The following CHD7 variants were observed in gnomAD, a reference collection of about 807,000 sequenced individuals.
CHD7 encodes the protein ATP-dependent chromatin remodeler CHD7.
In CHD7, 24 loss-of-function variants were observed where a neutral mutation model predicts 307.3. The observed-to-expected ratio is 0.08, with a 90% CI of 0.06 to 0.11. The LOEUF is 0.11. Among genes scored for constraint, CHD7 ranks in the 10% least tolerant of loss-of-function variants. The probability of loss-of-function intolerance (pLI) is 1.00; values close to 1 mark genes in which losing one functional copy is unlikely to be tolerated. For missense variants in CHD7, 3,106 were observed against 3,727.1 expected (o/e 0.83, Z 4.34); for synonymous variants, 1,363 against 1,349.9 (o/e 1.01, Z -0.21).
In CHD7 at chr8:60,866,119, G is replaced by A. The variant is rs1260408644; in HGVS notation, c.*186G>A. On this transcript the variant is annotated 3_prime_UTR_variant, in exon 38 of 38. Transcript: ENST00000423902. ...TATCTTGGTCATTAAGTATTGTGCA[G>A]TGCATTATTTATTATCCCTAGGAGA... 7.1e-6 allele frequency: 4 copies of A among 565,528 alleles called. No homozygotes were observed. The highest frequency in any genetic ancestry group is 1.2e-5 in the Non-Finnish European group (4 of 320,118). The allele number at this position is 565,528 out of a possible 1,614,324, so 35.0% of individuals were successfully genotyped here.
chr8:60,851,670 C>A (rs994915330), intron 28 of CHD7, among the ~76,000 whole-genome samples: 1 of 152,066 alleles, frequency 6.6e-6, no homozygotes, highest in African/African-American at 2.4e-5. Flanking sequence ...GACCTTTTAC[C>A]GAATATAAAA....
chr8:60,768,448 A>G (rs893691462), intron 2 of CHD7, among the ~76,000 whole-genome samples: 1 of 152,218 alleles, frequency 6.6e-6, no homozygotes, highest in African/African-American at 2.4e-5. Flanking sequence ...ACTCACAGGC[A>G]GTGACTGGTG....
intron 37 of CHD7, chr8:60,863,738 C>CTTTTTTTTTTT (rs757577486): frequency 4.0e-5 from 5 of 126,308 alleles, no homozygotes; most frequent in Admixed American, 8.0e-5. Flanking sequence ...CTTTTTTTTT[C>CTTTTTTTTTTT]TTTTTTTTTT....
At chr8:60,715,326 CT>C (rs11376102) in intron 1 of CHD7, among the ~76,000 whole-genome samples, 4,366 of 125,842 alleles carry the variant, frequency 0.035, 66 homozygotes, top group Non-Finnish European at 0.051. Flanking sequence ...AGGGCTCTGC[CT>C]TTTTTTTTTT....
intron 1 of CHD7, among the ~76,000 whole-genome samples, chr8:60,693,320 C>G (rs1806294362): frequency 6.6e-6 from 1 of 152,248 alleles, no homozygotes; most frequent in Admixed American, 6.5e-5. Flanking sequence ...TCCTGCTCCC[C>G]TGTGGAACAA....
At chr8:60,748,326 A>G (rs1451310359) in intron 2 of CHD7, among the ~76,000 whole-genome samples, 2 of 152,194 alleles carry the variant, frequency 1.3e-5, no homozygotes, top group Non-Finnish European at 2.9e-5. Flanking sequence ...CAATGAGTGC[A>G]AAGATCAGAA....
intron 2 of CHD7, among the ~76,000 whole-genome samples, chr8:60,780,731 G>C (rs927524501): frequency 6.6e-6 from 1 of 152,290 alleles, no homozygotes; most frequent in East Asian, 1.9e-4. Context: ...AGTGTCTTCA[G>C]TTGAGTGAGT....
chr8:60,780,353 C>G (rs111548228), intron 2 of CHD7, among the ~76,000 whole-genome samples: 15 of 152,252 alleles, frequency 9.9e-5, no homozygotes, highest in Middle Eastern at 3.4e-3. Context: ...AAATATAAAG[C>G]CTTAAAGAGG....
rs72650449 is a variant in CHD7 at position 60,690,856 on chromosome 8, G to A, written c.-175+11774G>A. Among the ~76,000 whole-genome samples the A allele has an allele frequency of 5.9e-3, 904 of 152,294 alleles. 6 individuals carry two copies. Among genetic ancestry groups the A allele is most frequent in the Non-Finnish European group, 0.011 (726 of 68,030 alleles). On this transcript the variant is annotated intron_variant, in intron 1 of 37. Coordinates refer to ENST00000423902, the MANE Select transcript of CHD7 (RefSeq NM_017780.4). ...GTACCTAGCAGAATGGTTGACAGTC[G>A]CCGACTCCCTGTCATTTTCTGCAGC...
intron 1 of CHD7, among the ~76,000 whole-genome samples, chr8:60,722,088 C>T (rs1029891311): frequency 5.3e-5 from 8 of 152,130 alleles, no homozygotes; most frequent in Admixed American, 2.0e-4. Context: ...TCACCAGATA[C>T]GGCCTGGTCA....
chr8:60,735,719 AT>A (rs1808671782), intron 1 of CHD7, among the ~76,000 whole-genome samples: 1 of 152,268 alleles, frequency 6.6e-6, no homozygotes, highest in Non-Finnish European at 1.5e-5. Flanking sequence ...AGGAGAAAAT[AT>A]TTTTTATGAA....
In CHD7 at chr8:60,781,273, T is replaced by G. The variant is rs1313381352; in HGVS notation, c.1939T>G (p.Ser647Ala). ...SQEEKKKKKR[S>A]KAKKDPKEPK... The stretch of plus-strand genomic sequence containing the variant: ...AGAAGAAAAAAAGAAAAAGAAAAGG[T>G]CAAAGGCAAAAAAAGACCCGAAGGA... The change falls in exon 3 of 38, where the codon TCA (serine) becomes GCA (alanine). Residue 647 changes from serine (S) to alanine (A), a missense_variant. Physicochemically the swap from Ser to Ala is moderately conservative, Grantham distance 99 (BLOSUM62 1). This residue lies in a region of CHD7 where 998 missense variants were observed against 1,004.5 expected (regional missense o/e 0.99). Coordinates refer to ENST00000423902, the MANE Select transcript of CHD7 (RefSeq NM_017780.4). The G allele has an allele frequency of 1.3e-6, 2 of 1,561,960 alleles. No homozygotes were observed. Among genetic ancestry groups the G allele is most frequent in the Non-Finnish European group, 8.7e-7 (1 of 1,153,888 alleles).
At chr8:60,796,646 A>C (rs1371985106) in intron 4 of CHD7, among the ~76,000 whole-genome samples, 2 of 152,054 alleles carry the variant, frequency 1.3e-5, no homozygotes, top group Non-Finnish European at 2.9e-5. Context: ...CTGCATTTCA[A>C]ACATAGAAAA....
chr8:60,824,289 C>T (rs1177931854), intron 13 of CHD7: 5 of 428,844 alleles, frequency 1.2e-5, no homozygotes, highest in Non-Finnish European at 2.0e-5. Flanking sequence ...ACCCTTTGTT[C>T]ATAAATACAG....
At chr8:60,690,849 G>A (rs1806158367) in intron 1 of CHD7, among the ~76,000 whole-genome samples, 1 of 152,224 alleles carries the variant, frequency 6.6e-6, no homozygotes, top group African/African-American at 2.4e-5. Flanking sequence ...CAGAATGGTT[G>A]ACAGTCGCCG....
At chr8:60,859,083 A>G (rs1805847423) in intron 34 of CHD7, among the ~76,000 whole-genome samples, 1 of 152,156 alleles carries the variant, frequency 6.6e-6, no homozygotes, top group Non-Finnish European at 1.5e-5. Flanking sequence ...CTAAAGTCCC[A>G]TTTAGAAAGC....
chr8:60,861,111 C>A lies in CHD7; in HGVS notation c.7816C>A (p.Pro2606Thr). The A allele has an allele frequency of 6.3e-7, 1 of 1,589,548 alleles. No homozygotes were observed. The highest frequency in any genetic ancestry group is 8.6e-7 in the Non-Finnish European group (1 of 1,167,818). The stretch of plus-strand genomic sequence containing the variant: ...GCACCCTACTTACACTGTTGATATG[C>A]CAAGTTATGTACCAGTGAGTATTGC... ...KLHPTYTVDM[P>T]SYVPKNADVL... The change falls in exon 35 of 38, where the codon CCA becomes ACA. Residue 2606 changes from proline to threonine, a missense_variant. Pro to Thr is a conservative substitution (Grantham distance 38). This residue lies in a region of CHD7 where 1,030 missense variants were observed against 1,165.4 expected (regional missense o/e 0.88). Coordinates refer to ENST00000423902, the MANE Select transcript of CHD7 (RefSeq NM_017780.4).
chr8:60,705,426 C>G (rs1392267562), intron 1 of CHD7, among the ~76,000 whole-genome samples: 1 of 152,216 alleles, frequency 6.6e-6, no homozygotes, highest in African/African-American at 2.4e-5. Context: ...TGTTCTTTCA[C>G]AGTACTCGTT....
intron 2 of CHD7, among the ~76,000 whole-genome samples, chr8:60,752,109 T>G (rs1809668935): frequency 1.3e-5 from 2 of 152,250 alleles, no homozygotes; most frequent in South Asian, 4.1e-4. Context: ...TAAATCATTC[T>G]GTACCATAGG....
Sources: allele counts gnomAD v4.1 joint callset (sites outside exome capture counted in the v4.1 genomes callset), GRCh38; gene constraint gnomAD v4.1.1; regional missense constraint gnomAD v4.1.1; transcripts MANE v1.5; gene names NCBI Gene and HGNC (gene_info 2026-07-23, HGNC 2026-07-21).